The following EIF4G3 variants were observed in gnomAD, a reference collection of about 807,000 sequenced individuals.
EIF4G3 encodes eIF-4-gamma 3.
In EIF4G3, 34 loss-of-function variants were observed where a neutral mutation model predicts 186.4. The observed-to-expected ratio is 0.18, with a 90% CI of 0.14 to 0.24. The LOEUF is 0.24. Among genes scored for constraint, EIF4G3 ranks in the 10% least tolerant of loss-of-function variants. EIF4G3 has a pLI of 1.00. For synonymous variants in EIF4G3, 673 were observed against 679.5 expected (o/e 0.99, Z 0.15); for missense variants, 1,536 against 1,948.5 (o/e 0.79, Z 3.99).
chr1:20,980,492 T>C (rs2077713882), intron 9 of EIF4G3, 44 bp from the exon 10 acceptor site: 4 of 1,323,116 alleles, frequency 3.0e-6, no homozygotes, highest in Non-Finnish European at 3.1e-6. Flanking sequence ...ATATGGTATC[T>C]GGGGGCGAAA....
chr1:21,123,782 T>TC (rs1348838876), intron 2 of EIF4G3, among the ~76,000 whole-genome samples: 45 of 152,006 alleles, frequency 3.0e-4, no homozygotes, highest in Non-Finnish European at 7.4e-5. Context: ...GCCACATAGG[T>TC]CCTATAAAAA....
intron 2 of EIF4G3, among the ~76,000 whole-genome samples, chr1:21,128,249 C>G (rs568062982): frequency 2.7e-5 from 4 of 150,206 alleles, no homozygotes; most frequent in Admixed American, 6.7e-5. Context: ...TGGCTCACTC[C>G]TATAATCCCA....
Position 21,074,118 on chromosome 1 carries a change from G to A in EIF4G3, c.-196+15020C>T, listed in dbSNP as rs139624059. Among the ~76,000 whole-genome samples, 280 of 152,056 alleles carry A rather than the reference G, an allele frequency of 1.8e-3. 1 individual carries two copies. The highest frequency in any genetic ancestry group is 0.012 in the East Asian group (64 of 5,182). On this transcript the variant is annotated intron_variant, in intron 3 of 36. Coordinates refer to ENST00000602326, the MANE Select transcript of EIF4G3 (RefSeq NM_001391906.1). ...ACCAATCTTAATAATTTTGCCTAAC[G>A]TTTGAGAAAATCTAGATTCAAGTTT...
At chr1:21,028,095 C>G (rs564267920) in intron 4 of EIF4G3, among the ~76,000 whole-genome samples, 1 of 152,280 alleles carries the variant, frequency 6.6e-6, no homozygotes, top group South Asian at 2.1e-4. Context: ...AAGCCACAGA[C>G]AGACAGGAGA....
chr1:21,090,726 C>T (rs570176773), intron 2 of EIF4G3, among the ~76,000 whole-genome samples: 1 of 152,212 alleles, frequency 6.6e-6, no homozygotes, highest in African/African-American at 2.4e-5. Context: ...AAACCTTGCC[C>T]CACTCCACTA....
Position 21,089,176 on chromosome 1 carries a change from G to A in EIF4G3, c.-234C>T, listed in dbSNP as rs1233067109. 3 of 717,222 alleles carry A rather than the reference G, an allele frequency of 4.2e-6. No individual in the cohort carries two copies. Among genetic ancestry groups the A allele is most frequent in the Non-Finnish European group, 7.8e-6 (3 of 385,062 alleles). The allele number at this position is 717,222 out of a possible 1,614,324, so 44.4% of individuals were successfully genotyped here. On this transcript the variant is annotated 5_prime_UTR_variant, in exon 3 of 37. Coordinates refer to ENST00000602326, the MANE Select transcript of EIF4G3 (RefSeq NM_001391906.1). ...GCTGAGACAGCGGGAGTGAAGATTCGATCCTCAAGAGGTTGTTGCACAGGT... is the reference window on the plus strand; with the variant it reads ...GCTGAGACAGCGGGAGTGAAGATTCAATCCTCAAGAGGTTGTTGCACAGGT...
chr1:20,884,061 C>T (rs769867562), intron 19 of EIF4G3, among the ~76,000 whole-genome samples: 3 of 152,086 alleles, frequency 2.0e-5, no homozygotes, highest in Admixed American at 6.5e-5. Context: ...GTTCACAATG[C>T]TGATTTAATA....
chr1:21,052,104 A>G (rs1003290334), intron 3 of EIF4G3, among the ~76,000 whole-genome samples: 1 of 152,204 alleles, frequency 6.6e-6, no homozygotes, highest in Admixed American at 6.5e-5. Context: ...AATAATCACA[A>G]ATTTATACAA....
At chr1:20,918,727 A>T (rs1409443015) in intron 14 of EIF4G3, among the ~76,000 whole-genome samples, 2 of 83,374 alleles carry the variant, frequency 2.4e-5, no homozygotes, top group South Asian at 4.1e-4. Context: ...TTTTTTTTTT[A>T]AAGAGGCAGG....
intron 26 of EIF4G3, among the ~76,000 whole-genome samples, 181 bp downstream of exon 26, chr1:20,854,797 A>C (rs1172740707): frequency 6.6e-6 from 1 of 152,130 alleles, no homozygotes; most frequent in Admixed American, 6.5e-5. Flanking sequence ...AAAATACTTA[A>C]AATTATTTAA....
intron 4 of EIF4G3, among the ~76,000 whole-genome samples, chr1:21,014,590 G>GT (rs537597796): frequency 2.2e-3 from 332 of 149,566 alleles, no homozygotes; most frequent in African/African-American, 7.7e-3. Context: ...TTCAGTTCCT[G>GT]TGTTAGTTCA....
intron 2 of EIF4G3, among the ~76,000 whole-genome samples, chr1:21,113,301 A>G (rs2096760061): frequency 6.6e-6 from 1 of 151,716 alleles, no homozygotes; most frequent in Non-Finnish European, 1.5e-5. Context: ...AAGCTTTCTT[A>G]GGCTGAATGA....
At chr1:21,099,069 A>G (rs1325810649) in intron 2 of EIF4G3, among the ~76,000 whole-genome samples, 1 of 152,242 alleles carries the variant, frequency 6.6e-6, no homozygotes, top group South Asian at 2.1e-4. Context: ...CCAAAACGAG[A>G]TATCACTATA....
intron 2 of EIF4G3, among the ~76,000 whole-genome samples, chr1:21,157,013 G>A (rs949025102): frequency 2.6e-5 from 4 of 151,994 alleles, no homozygotes; most frequent in South Asian, 2.1e-4. Context: ...AGCCATGATC[G>A]TACCACTGCA....
At chr1:20,868,524 A>G (rs2078215957) in intron 20 of EIF4G3, among the ~76,000 whole-genome samples, 1 of 152,034 alleles carries the variant, frequency 6.6e-6, no homozygotes, top group Non-Finnish European at 1.5e-5. Flanking sequence ...CCACCTCCTA[A>G]TGTAATTATA....
intron 2 of EIF4G3, among the ~76,000 whole-genome samples, chr1:21,107,339 C>T (rs2096635340): frequency 6.6e-6 from 1 of 152,024 alleles, no homozygotes; most frequent in Non-Finnish European, 1.5e-5. Context: ...CCATGCCCAG[C>T]TAATTTTTTT....
At chr1:21,017,621 C>G (rs1195118836) in intron 4 of EIF4G3, among the ~76,000 whole-genome samples, 2 of 118,700 alleles carry the variant, frequency 1.7e-5, no homozygotes, top group African/African-American at 6.6e-5. Context: ...GAGCAAGACT[C>G]CGTCTCAAAA....
intron 26 of EIF4G3, among the ~76,000 whole-genome samples, chr1:20,854,461 A>G (rs2074261123): frequency 6.6e-6 from 1 of 151,678 alleles, no homozygotes; most frequent in African/African-American, 2.4e-5. Flanking sequence ...CAGGAGGCCA[A>G]GGTGGGAGGA....
rs11585728 is a variant in EIF4G3, at chr1:20,810,056, C to T, written c.4744+682G>A. Among the ~76,000 whole-genome samples, 14 of 152,080 alleles carry T rather than the reference C, an allele frequency of 9.2e-5. No individual in the cohort carries two copies. Among genetic ancestry groups the T allele is most frequent in the Admixed American group, 2.0e-4 (3 of 15,272 alleles). On this transcript the variant is annotated intron_variant, in intron 36 of 36. Coordinates refer to ENST00000602326, the MANE Select transcript of EIF4G3 (RefSeq NM_001391906.1). This position sits in a 1 kb window ranked among gnomAD's most constrained non-coding sequence, Gnocchi z 4.1. Reference sequence around the variant, plus strand: ...CGCCATCTTGGCTTAGTGCAAACTCCGCCTCCCAGGTTCAAGTGATTCTCG... The same window carrying T: ...CGCCATCTTGGCTTAGTGCAAACTCTGCCTCCCAGGTTCAAGTGATTCTCG...
Sources: gnomAD v4.1 joint callset for allele counts (sites outside exome capture counted in the v4.1 genomes callset) on GRCh38, gnomAD v4.1.1 for gene constraint, Gnocchi (gnomAD v3.1) non-coding constraint, MANE v1.5 for transcripts, NCBI Gene and HGNC (gene_info 2026-07-23, HGNC 2026-07-21) for gene names.